Variants in TMEM108 observed in about 807,000 individuals in gnomAD.
TMEM108 encodes the protein transmembrane protein 108, also known as cancer/testis antigen 124.
In TMEM108, 12 loss-of-function variants were observed where a neutral mutation model predicts 35.1. That is an observed-to-expected ratio of 0.34 (90% CI 0.22 to 0.55). The LOEUF (loss-of-function observed/expected upper bound fraction) is 0.55. Among genes scored for constraint, TMEM108 ranks in the 20% least tolerant of loss-of-function variants. The pLI is 0.89. For synonymous variants in TMEM108, 287 were observed against 308.6 expected, an observed-to-expected ratio of 0.93 and a Z score of 0.73; for missense variants, 680 against 753.3, an observed-to-expected ratio of 0.90 and a Z score of 1.14.
At chr3:133,337,720 A>G (rs1395396843) in intron 3 of TMEM108, among the ~76,000 whole-genome samples, 2 of 152,198 alleles carry the variant, frequency 1.3e-5, no homozygotes, top group East Asian at 1.9e-4. Context: ...GGTAGAAAGG[A>G]CCAATCCTGG....
chr3:133,233,029 T>A (rs1300600037), intron 3 of TMEM108, among the ~76,000 whole-genome samples: 2 of 150,966 alleles, frequency 1.3e-5, no homozygotes, highest in African/African-American at 4.9e-5. Flanking sequence ...CACTTTCGTT[T>A]TTTTTTTTTT....
At chr3:133,216,670 A>G (rs993004321) in intron 2 of TMEM108, among the ~76,000 whole-genome samples, 5 of 152,120 alleles carry the variant, frequency 3.3e-5, no homozygotes, top group South Asian at 4.1e-4. Flanking sequence ...GATTAAACGT[A>G]TAAGTGAGAT....
At chr3:133,295,587 G>A (rs1333467414) in intron 3 of TMEM108, among the ~76,000 whole-genome samples, 2 of 152,184 alleles carry the variant, frequency 1.3e-5, no homozygotes, top group Non-Finnish European at 2.9e-5. Flanking sequence ...GCAGAAGTGT[G>A]CAGTGACTTG....
chr3:133,344,814 A>G (rs186385452), intron 3 of TMEM108, among the ~76,000 whole-genome samples: 15 of 151,962 alleles, frequency 9.9e-5, no homozygotes, highest in African/African-American at 3.4e-4. Context: ...TATACTTTGT[A>G]TTACATATTT....
intron 2 of TMEM108, among the ~76,000 whole-genome samples, chr3:133,188,893 C>T (rs766737029): frequency 2.0e-5 from 3 of 152,172 alleles, no homozygotes; most frequent in Non-Finnish European, 4.4e-5. Flanking sequence ...GGTCTGCCAT[C>T]TTCTGAAATC....
chr3:133,207,103 T>C (rs1945767572), intron 2 of TMEM108, among the ~76,000 whole-genome samples: 1 of 152,098 alleles, frequency 6.6e-6, no homozygotes, highest in Non-Finnish European at 1.5e-5. Flanking sequence ...GTTTACAATG[T>C]GAGGGGAAAA....
chr3:133,160,661 A>C (rs912497483), intron 2 of TMEM108, among the ~76,000 whole-genome samples: 1 of 152,018 alleles, frequency 6.6e-6, no homozygotes, highest in Admixed American at 6.6e-5. Flanking sequence ...ATCAGTTGGC[A>C]ATTCCTTGCT....
chr3:133,327,593 T>A (rs2107724718), intron 3 of TMEM108, among the ~76,000 whole-genome samples: 1 of 152,274 alleles, frequency 6.6e-6, no homozygotes, highest in East Asian at 1.9e-4. Context: ...GAAGAGGTGC[T>A]GCCACCTCAG....
intron 2 of TMEM108, among the ~76,000 whole-genome samples, chr3:133,207,674 A>T (rs1303833876): frequency 3.9e-5 from 6 of 152,188 alleles, no homozygotes; most frequent in Non-Finnish European, 8.8e-5. Flanking sequence ...CACAACAGAG[A>T]CAAGAAATTC....
At chr3:133,301,274 C>T (rs1947221394) in intron 3 of TMEM108, among the ~76,000 whole-genome samples, 1 of 152,146 alleles carries the variant, frequency 6.6e-6, no homozygotes, top group Non-Finnish European at 1.5e-5. Context: ...TTTTATACAA[C>T]AGCAGCATGT....
At chr3:133,310,355 C>G (rs1371198763) in intron 3 of TMEM108, among the ~76,000 whole-genome samples, 1 of 152,016 alleles carries the variant, frequency 6.6e-6, no homozygotes, top group East Asian at 1.9e-4. Context: ...TTGTAGGTCT[C>G]TAAGGACTTG....
chr3:133,389,085 G>A, intron 4 of TMEM108: 2 of 985,530 alleles, frequency 2.0e-6, no homozygotes, highest in Non-Finnish European at 2.4e-6. Flanking sequence ...CTCACTTCAT[G>A]GCTTCTCCCC....
chr3:133,077,932 C>T (rs575994336), intron 2 of TMEM108, among the ~76,000 whole-genome samples: 8 of 152,188 alleles, frequency 5.3e-5, no homozygotes, highest in Admixed American at 1.3e-4. Flanking sequence ...CAGGACAGCC[C>T]GGGGGCATTC....
intron 2 of TMEM108, among the ~76,000 whole-genome samples, chr3:133,073,974 C>T (rs1039196953): frequency 6.6e-6 from 1 of 151,928 alleles, no homozygotes; most frequent in African/African-American, 2.4e-5. Flanking sequence ...GGAAATAGCT[C>T]TTCAGGTCCT....
chr3:133,165,931 G>T (rs1945030670), intron 2 of TMEM108, among the ~76,000 whole-genome samples: 1 of 152,170 alleles, frequency 6.6e-6, no homozygotes, highest in Non-Finnish European at 1.5e-5. Flanking sequence ...TCTTTTCAGG[G>T]CATGAAGGCA....
chr3:133,274,279 T>C (rs1417970724), intron 3 of TMEM108, among the ~76,000 whole-genome samples: 1 of 152,228 alleles, frequency 6.6e-6, no homozygotes, highest in Non-Finnish European at 1.5e-5. Flanking sequence ...TAAACTGTGC[T>C]TCTGTCGAGG....
At chr3:133,302,415 C>CTTTTTTTTTTTTT (rs927704510) in intron 3 of TMEM108, among the ~76,000 whole-genome samples, 18 of 110,102 alleles carry the variant, frequency 1.6e-4, no homozygotes, top group South Asian at 3.3e-4. Context: ...TTCTTTCTTT[C>CTTTTTTTTTTTTT]TTTTTTTTTT....
intron 2 of TMEM108, among the ~76,000 whole-genome samples, chr3:133,109,052 G>A (rs1944194484): frequency 6.6e-6 from 1 of 152,118 alleles, no homozygotes; most frequent in Admixed American, 6.5e-5. Context: ...TGGCCTTGCA[G>A]GTGACCTCAG....
At chr3:133,105,220 G>C (rs540892538) in intron 2 of TMEM108, among the ~76,000 whole-genome samples, 90 of 152,328 alleles carry the variant, frequency 5.9e-4, no homozygotes, top group Non-Finnish European at 1.2e-3. Flanking sequence ...GTGGTTGGCA[G>C]TTTCTTGCCA....
Sources: gnomAD v4.1 joint callset for allele counts (sites outside exome capture counted in the v4.1 genomes callset) on GRCh38, gnomAD v4.1.1 for gene constraint, MANE v1.5 for transcripts, NCBI Gene and HGNC (gene_info 2026-07-23, HGNC 2026-07-21) for gene names.